Variants in MAP3K13 observed in about 807,000 individuals in gnomAD.
MAP3K13 encodes mitogen-activated protein kinase kinase kinase 13, also known as leucine zipper-bearing kinase.
A neutral mutation model predicts 104.0 loss-of-function variants in MAP3K13; 52 were observed. That is an observed-to-expected ratio of 0.50 (90% CI 0.40 to 0.63). The LOEUF (loss-of-function observed/expected upper bound fraction) is 0.63. MAP3K13 is among the 20% of genes least tolerant of loss of function. The pLI, the probability that MAP3K13 is intolerant of heterozygous loss-of-function variation, is 0.00. For synonymous variants in MAP3K13, 394 were observed against 442.2 expected (o/e 0.89, Z 1.37); for missense variants, 914 against 1,218.5 (o/e 0.75, Z 3.72).
At chr3:185,458,247 A>G (rs1716880513) in intron 7 of MAP3K13, among the ~76,000 whole-genome samples, 1 of 151,912 alleles carries the variant, frequency 6.6e-6, no homozygotes, top group Non-Finnish European at 1.5e-5. Context: ...AATCACCTGT[A>G]ATGCCAGCTA....
At chr3:185,306,846 A>G (rs1257783141) in intron 2 of MAP3K13, among the ~76,000 whole-genome samples, 2 of 152,190 alleles carry the variant, frequency 1.3e-5, no homozygotes, top group Admixed American at 6.5e-5. Context: ...TTAATAATAC[A>G]TGCTTTACCA....
At position 185,455,352 on chromosome 3, in the gene MAP3K13, T is replaced by G. The variant is rs190784283; in HGVS notation, c.1278+3957T>G. ...TATGATATATATGAGATATATATGA[T>G]ATATATATGAGATATATATGATATA... On this transcript the variant is annotated intron_variant, in intron 7 of 13. Transcript: ENST00000265026. 3.6e-3 allele frequency among the ~76,000 whole-genome samples: 123 copies of G among 34,180 alleles called. 21 individuals carry two copies. Among genetic ancestry groups the G allele is most frequent in the African/African-American group, 0.011 (108 of 9,834 alleles). The allele number at this position is 34,180 out of a possible 152,430, so 22.4% of individuals were successfully genotyped here. A position where few individuals can be genotyped will look rare whatever the true frequency, so the allele number is the denominator to read the frequency against.
chr3:185,448,219 A>G, intron 5 of MAP3K13: 1 of 495,270 alleles, frequency 2.0e-6, no homozygotes, highest in Non-Finnish European at 3.7e-6. Context: ...CTGAAAGTTT[A>G]CTTCAAATGA....
chr3:185,366,040 A>G (rs1395055262), intron 1 of MAP3K13, among the ~76,000 whole-genome samples: 1 of 148,844 alleles, frequency 6.7e-6, no homozygotes, highest in African/African-American at 2.5e-5. Flanking sequence ...ATCACAATCC[A>G]TTTTAGAACA....
intron 5 of MAP3K13, among the ~76,000 whole-genome samples, chr3:185,449,333 A>G (rs1715758958): frequency 6.8e-6 from 1 of 146,898 alleles, no homozygotes; most frequent in Admixed American, 7.2e-5. Flanking sequence ...AGATCGCACC[A>G]CTGCATTCCA....
upstream of MAP3K13, among the ~76,000 whole-genome samples, chr3:185,359,201 CAA>C (rs1364535385): frequency 6.6e-6 from 1 of 152,056 alleles, no homozygotes; most frequent in Non-Finnish European, 1.5e-5. Context: ...CGGCAGCAGG[CAA>C]AGAGAGAGTG....
chr3:185,339,821 A>T (rs1577440935), intron 2 of MAP3K13, among the ~76,000 whole-genome samples: 1 of 152,252 alleles, frequency 6.6e-6, no homozygotes, highest in Admixed American at 6.5e-5. Context: ...TCACACACAG[A>T]TACAGCTAAA....
intron 12 of MAP3K13, 180 bp from the exon 13 acceptor site, chr3:185,480,052 A>G (rs546892499): frequency 1.6e-6 from 1 of 635,782 alleles, no homozygotes; most frequent in South Asian, 1.9e-5. Flanking sequence ...CATGGGGGAT[A>G]AAATTCAGTC....
intron 2 of MAP3K13, among the ~76,000 whole-genome samples, chr3:185,351,311 A>G (rs1723131452): frequency 3.3e-5 from 5 of 152,256 alleles, no homozygotes; most frequent in Admixed American, 1.3e-4. Flanking sequence ...CAATTTATCT[A>G]TATAACAAAC....
intron 11 of MAP3K13, among the ~76,000 whole-genome samples, chr3:185,475,944 C>T (rs1021652796): frequency 6.6e-6 from 1 of 152,314 alleles, no homozygotes; most frequent in Admixed American, 6.5e-5. Flanking sequence ...TGGCCAGTAA[C>T]TTGTATTTTT....
In MAP3K13 at chr3:185,363,257, G is replaced by A. The variant is rs1363451929; in HGVS notation, c.-197G>A. 4.1e-6 allele frequency: 4 copies of A among 984,988 alleles called. No individual in the cohort carries two copies. The highest frequency in any genetic ancestry group is 1.8e-5 in the African/African-American group (1 of 57,104). The allele number at this position is 984,988 out of a possible 1,614,324, so 61.0% of individuals were successfully genotyped here. On this transcript the variant is annotated 5_prime_UTR_variant, in exon 1 of 14. Coordinates refer to ENST00000265026, the MANE Select transcript of MAP3K13 (RefSeq NM_004721.5). ...TTGCGGTGGGCTGGAGGATTGTGTGGGTGGAATCCCCCTCCCCTTTATTTT... is the reference window on the plus strand; with the variant it reads ...TTGCGGTGGGCTGGAGGATTGTGTGAGTGGAATCCCCCTCCCCTTTATTTT...
intron 2 of MAP3K13, among the ~76,000 whole-genome samples, chr3:185,430,566 C>T (rs1466445119): frequency 6.6e-6 from 1 of 152,068 alleles, no homozygotes; most frequent in African/African-American, 2.4e-5. Context: ...GTTTTCTGTT[C>T]TTGCATTAGC....
intron 1 of MAP3K13, among the ~76,000 whole-genome samples, chr3:185,422,865 G>A (rs1044323690): frequency 5.5e-4 from 84 of 152,296 alleles, no homozygotes; most frequent in African/African-American, 1.9e-3. Context: ...GTGGGTGAGC[G>A]AGCAGAGCTT....
chr3:185,347,224 A>C (rs1345744926), intron 2 of MAP3K13, among the ~76,000 whole-genome samples: 2 of 152,008 alleles, frequency 1.3e-5, no homozygotes, highest in Non-Finnish European at 2.9e-5. Context: ...TGACCTTATG[A>C]TCCACCCACC....
chr3:185,330,745 C>T (rs1045054536), intron 2 of MAP3K13, among the ~76,000 whole-genome samples: 8 of 152,176 alleles, frequency 5.3e-5, no homozygotes, highest in East Asian at 1.9e-4. Context: ...ATGTTTTTAA[C>T]CTCCAGTAGG....
At chr3:185,434,132 A>G (rs1714897246) in intron 2 of MAP3K13, among the ~76,000 whole-genome samples, 1 of 152,194 alleles carries the variant, frequency 6.6e-6, no homozygotes, top group Non-Finnish European at 1.5e-5. Flanking sequence ...AGACAATGAT[A>G]TAGAATACTT....
At chr3:185,414,352 T>A (rs1162067932) in intron 1 of MAP3K13, among the ~76,000 whole-genome samples, 1 of 152,226 alleles carries the variant, frequency 6.6e-6, no homozygotes, top group African/African-American at 2.4e-5. Flanking sequence ...TTATATCAGG[T>A]TCTGCACTAG....
At chr3:185,369,620 T>C (rs936818595) in intron 1 of MAP3K13, among the ~76,000 whole-genome samples, 4 of 152,232 alleles carry the variant, frequency 2.6e-5, no homozygotes, top group Non-Finnish European at 5.9e-5. Context: ...ATGGGTGGGA[T>C]GTGTTCTGCT....
chr3:185,333,522 CT>C, intron 2 of MAP3K13, among the ~76,000 whole-genome samples: 3 of 152,078 alleles, frequency 2.0e-5, no homozygotes, highest in Admixed American at 2.0e-4. Context: ...AATTAATGAA[CT>C]TAGTAAGGCC....
Sources: allele counts gnomAD v4.1 joint callset (sites outside exome capture counted in the v4.1 genomes callset), GRCh38; gene constraint gnomAD v4.1.1; transcripts MANE v1.5; gene names NCBI Gene and HGNC (gene_info 2026-07-23, HGNC 2026-07-21).